ZSWIM6: variants seen among roughly 807,000 people sequenced by gnomAD.
ZSWIM6 encodes zinc finger SWIM-type containing 6.
Under a neutral mutation model 113.2 loss-of-function variants are expected in ZSWIM6, and 9 were observed. That is an observed-to-expected ratio of 0.08 (90% confidence interval 0.05 to 0.14). ZSWIM6 has a LOEUF of 0.14. Ranked by LOEUF, ZSWIM6 falls within the 10% of genes least tolerant of loss-of-function variation. The probability of loss-of-function intolerance (pLI) is 1.00; values close to 1 mark genes in which losing one functional copy is unlikely to be tolerated. For missense variants in ZSWIM6, 1,162 were observed against 1,552.2 expected, an observed-to-expected ratio of 0.75 and a Z score of 4.22; for synonymous variants, 611 against 606.5, an observed-to-expected ratio of 1.01 and a Z score of -0.11.
intron 1 of ZSWIM6, among the ~76,000 whole-genome samples, chr5:61,430,199 G>A (rs1033436332): frequency 6.8e-4 from 104 of 151,912 alleles, no homozygotes; most frequent in Admixed American, 1.3e-3. Flanking sequence ...AAAGGTGGGA[G>A]GTGGCCTGAG....
intron 1 of ZSWIM6, among the ~76,000 whole-genome samples, chr5:61,345,538 A>G (rs930173620): frequency 1.1e-4 from 17 of 152,242 alleles, no homozygotes; most frequent in Admixed American, 3.3e-4. Flanking sequence ...TTTAGTAAGA[A>G]TAGTAATTGT....
intron 2 of ZSWIM6, among the ~76,000 whole-genome samples, chr5:61,476,900 T>C (rs1368219806): frequency 6.6e-6 from 1 of 152,168 alleles, no homozygotes; most frequent in African/African-American, 2.4e-5. Context: ...ATGGGACCCA[T>C]TTTTTCTCAT....
chr5:61,395,474 C>T (rs1481405897), intron 1 of ZSWIM6, among the ~76,000 whole-genome samples: 8 of 151,888 alleles, frequency 5.3e-5, no homozygotes, highest in African/African-American at 1.7e-4. Context: ...GTGTCATGTT[C>T]GAATACTGAG....
chr5:61,355,904 A>T (rs190488974), intron 1 of ZSWIM6, among the ~76,000 whole-genome samples: 133 of 152,332 alleles, frequency 8.7e-4, no homozygotes, highest in African/African-American at 3.1e-3. Flanking sequence ...AGGAAATTTA[A>T]AATTACATAG....
intron 10 of ZSWIM6, 45 bp from the exon 11 acceptor site, chr5:61,538,769 G>A: frequency 6.6e-7 from 1 of 1,520,204 alleles, no homozygotes; most frequent in East Asian, 2.5e-5. Flanking sequence ...CAAGGACATG[G>A]TCAAGAAATA....
In ZSWIM6 at chr5:61,494,376, G is replaced by A; in HGVS notation, c.1299G>A (p.Met433Ile). 1 of 1,551,064 alleles carries A rather than the reference G, an allele frequency of 6.4e-7. No homozygotes were observed. Among genetic ancestry groups the A allele is most frequent in the Non-Finnish European group, 8.7e-7 (1 of 1,146,558 alleles). Reference protein sequence around the residue: ...LSLWRQQGTAMTDKYRQLWDE... With the variant: ...LSLWRQQGTAITDKYRQLWDE... ...TTTGGCGGCAACAAGGCACTGCAAT[G>A]ACTGACAAATACAGGCAGCTCTGGG... Residue 433 changes from methionine to isoleucine, a missense_variant, in exon 4 of 14, where the codon ATG becomes ATA. Met to Ile is a conservative substitution (Grantham distance 10). Around this residue, in one of 4 missense-constraint regions of ZSWIM6, gnomAD observed 620 missense variants for 804.6 expected, o/e 0.77. Coordinates refer to ENST00000252744, the MANE Select transcript of ZSWIM6 (RefSeq NM_020928.2).
Position 61,332,565 on chromosome 5 carries a change from T to A in ZSWIM6, c.293T>A (p.Phe98Tyr). The change falls in exon 1 of 14, where the codon TTT becomes TAT. Residue 98 changes from phenylalanine to tyrosine, a missense_variant. Around this residue, in one of 4 missense-constraint regions of ZSWIM6, gnomAD observed 333 missense variants for 293.4 expected, o/e 1.13. Transcript: ENST00000252744. ...CCGTTCCAGCGCGTGGAGGAGCGCTTTGAGCGCATCCCGGAGCCGGTGCAG... is the reference window on the plus strand; with the variant it reads ...CCGTTCCAGCGCGTGGAGGAGCGCTATGAGCGCATCCCGGAGCCGGTGCAG... ...KWPFQRVEER[F>Y]ERIPEPVQRR... 7.3e-7 allele frequency: 1 copy of A among 1,360,964 alleles called. No individual in the cohort carries two copies. The highest frequency in any genetic ancestry group is 1.3e-5 in the South Asian group (1 of 78,102). 84.3% of individuals were successfully genotyped at this position (1,360,964 alleles called of 1,614,324 possible).
intron 1 of ZSWIM6, among the ~76,000 whole-genome samples, chr5:61,334,078 C>T (rs943567498): frequency 2.6e-5 from 4 of 152,316 alleles, no homozygotes; most frequent in South Asian, 2.1e-4. Context: ...GAGTCTCTTT[C>T]TTTTCAGGGC....
chr5:61,498,563 AGATT>A (rs1166850513), intron 4 of ZSWIM6, among the ~76,000 whole-genome samples: 3 of 152,196 alleles, frequency 2.0e-5, no homozygotes, highest in Non-Finnish European at 4.4e-5. Context: ...GGTGCTAGAT[AGATT>A]GAGTGGTATA....
intron 1 of ZSWIM6, among the ~76,000 whole-genome samples, chr5:61,407,926 T>A (rs1390166693): frequency 6.6e-6 from 1 of 152,220 alleles, no homozygotes; most frequent in Admixed American, 6.5e-5. Context: ...ACAGTCTCAG[T>A]GGAGGACAGT....
chr5:61,500,046 C>G (rs1748422162), intron 4 of ZSWIM6, among the ~76,000 whole-genome samples: 1 of 151,544 alleles, frequency 6.6e-6, no homozygotes, highest in African/African-American at 2.4e-5. Flanking sequence ...GAATTTAATC[C>G]CAGGTGTCAG....
intron 1 of ZSWIM6, among the ~76,000 whole-genome samples, chr5:61,388,810 A>T (rs1745643790): frequency 6.6e-6 from 1 of 152,190 alleles, no homozygotes; most frequent in African/African-American, 2.4e-5. Flanking sequence ...GGAAACCTTA[A>T]AATGGAGATC....
chr5:61,479,507 C>T (rs911017175), intron 2 of ZSWIM6, among the ~76,000 whole-genome samples: 1 of 152,140 alleles, frequency 6.6e-6, no homozygotes, highest in African/African-American at 2.4e-5. Context: ...TTGGTGCCAG[C>T]TGTGATCAGT....
At chr5:61,477,291 C>T (rs1747732105) in intron 2 of ZSWIM6, among the ~76,000 whole-genome samples, 1 of 152,158 alleles carries the variant, frequency 6.6e-6, no homozygotes, top group Non-Finnish European at 1.5e-5. Flanking sequence ...CTGGACTAAT[C>T]CTGAAAGTAG....
At chr5:61,540,520 T>G (rs1749700092) in intron 12 of ZSWIM6, among the ~76,000 whole-genome samples, 1 of 152,182 alleles carries the variant, frequency 6.6e-6, no homozygotes, top group Non-Finnish European at 1.5e-5. Context: ...GGATTCTCCC[T>G]TACAGTGACT....
intron 1 of ZSWIM6, among the ~76,000 whole-genome samples, chr5:61,388,412 A>G (rs140040488): frequency 2.6e-4 from 40 of 152,368 alleles, no homozygotes; most frequent in African/African-American, 9.6e-4. Context: ...TGTCAAAGCT[A>G]TCCTTTGAAA....
At chr5:61,342,307 C>G (rs2112028328) in intron 1 of ZSWIM6, among the ~76,000 whole-genome samples, 2 of 152,278 alleles carry the variant, frequency 1.3e-5, no homozygotes, top group Middle Eastern at 6.8e-3. Flanking sequence ...CATTTCATAG[C>G]ACTTAACCAG....
At chr5:61,357,591 T>TG (rs1269316383) in intron 1 of ZSWIM6, among the ~76,000 whole-genome samples, 5 of 151,292 alleles carry the variant, frequency 3.3e-5, no homozygotes, top group Admixed American at 2.6e-4. Context: ...GCCTGAGAAA[T>TG]GGGGTCTGGC....
intron 4 of ZSWIM6, among the ~76,000 whole-genome samples, chr5:61,502,780 A>C (rs529836553): frequency 3.5e-4 from 54 of 152,284 alleles, no homozygotes; most frequent in African/African-American, 1.3e-3. Flanking sequence ...TCATAGGAGC[A>C]CAAACCCTGT....
Sources: allele counts gnomAD v4.1 joint callset (sites outside exome capture counted in the v4.1 genomes callset), GRCh38; gene constraint gnomAD v4.1.1; regional missense constraint gnomAD v4.1.1; transcripts MANE v1.5; gene names NCBI Gene and HGNC (gene_info 2026-07-23, HGNC 2026-07-21).